DNAH7: variants seen among roughly 807,000 people sequenced by gnomAD.
The protein encoded by DNAH7 is dynein axonemal heavy chain 7.
DNAH7 carries 397 observed loss-of-function variants against 444.6 expected under a neutral mutation model. That is an observed-to-expected ratio of 0.89 (90% CI 0.82 to 0.97). DNAH7 has a LOEUF of 0.97. DNAH7 is among the 50% of genes least tolerant of loss of function. The probability of loss-of-function intolerance (pLI) is 0.00; values close to 1 mark genes in which losing one functional copy is unlikely to be tolerated. For synonymous variants in DNAH7, 1,636 were observed against 1,624.4 expected, an observed-to-expected ratio of 1.01 and a Z score of -0.17; for missense variants, 4,902 against 4,800.8, an observed-to-expected ratio of 1.02 and a Z score of -0.62.
intron 21 of DNAH7, among the ~76,000 whole-genome samples, chr2:195,927,719 C>A (rs1688432044): frequency 6.6e-6 from 1 of 151,100 alleles, no homozygotes; most frequent in Admixed American, 6.6e-5. Context: ...TATGTAAAGT[C>A]TATTATTATA....
chr2:195,738,239 G>T, intron 64 of DNAH7, 112 bp from the exon 65 acceptor site: 2 of 899,010 alleles, frequency 2.2e-6, no homozygotes, highest in Non-Finnish European at 3.4e-6. Flanking sequence ...GATTTCTGTG[G>T]CCCAAATTTA....
intron 46 of DNAH7, among the ~76,000 whole-genome samples, chr2:195,852,076 G>C (rs1449664857): frequency 6.6e-6 from 1 of 152,080 alleles, no homozygotes; most frequent in Non-Finnish European, 1.5e-5. Flanking sequence ...GGCTAACATG[G>C]TGAAACCCCG....
chr2:195,776,067 T>C, intron 59 of DNAH7, 84 bp from the exon 60 acceptor site: 1 of 1,521,696 alleles, frequency 6.6e-7, no homozygotes, highest in African/African-American at 1.4e-5. Flanking sequence ...CAGTTTTCAA[T>C]ACTCAAGTTA....
chr2:195,787,342 A>C (rs1011842387), intron 57 of DNAH7, among the ~76,000 whole-genome samples, 171 bp from the exon 58 acceptor site: 1 of 152,218 alleles, frequency 6.6e-6, no homozygotes, highest in Non-Finnish European at 1.5e-5. Flanking sequence ...CTTTTCAAGC[A>C]AAGTATGTCC....
At chr2:195,853,819 G>C (rs1699538681) in intron 45 of DNAH7, among the ~76,000 whole-genome samples, 1 of 152,028 alleles carries the variant, frequency 6.6e-6, no homozygotes, top group African/African-American at 2.4e-5. Flanking sequence ...AATTAATAAA[G>C]GACATTCTTC....
intron 12 of DNAH7, among the ~76,000 whole-genome samples, chr2:195,993,862 T>C (rs1178251362): frequency 6.6e-6 from 1 of 152,192 alleles, no homozygotes; most frequent in African/African-American, 2.4e-5. Context: ...AAGATCATTG[T>C]TTACCAGTGG....
Position 195,960,361 on chromosome 2 carries a change from C to T in DNAH7, c.2790G>A (p.Leu930=). The T allele has an allele frequency of 6.2e-7, 1 of 1,613,974 alleles. No individual in the cohort carries two copies. Among genetic ancestry groups the T allele is most frequent in the Non-Finnish European group, 8.5e-7 (1 of 1,180,004 alleles). ...ACATCTGAATTTCATCAACTGATGC[C>T]AAAATAAATGTCCCAGTTTCTCTAT... ...HSYRETGTFI[L]ASVDEIQMLL... The change falls in exon 18 of 65, where the codon TTG becomes TTA. Residue 930 remains leucine, a synonymous_variant. Coordinates refer to ENST00000312428, the MANE Select transcript of DNAH7 (RefSeq NM_018897.3).
chr2:196,037,698 T>C (rs1324995783), intron 5 of DNAH7, among the ~76,000 whole-genome samples: 1 of 151,694 alleles, frequency 6.6e-6, no homozygotes, highest in Non-Finnish European at 1.5e-5. Context: ...AGTGAGACAA[T>C]AAAAATGAAT....
rs537634012 is a variant in DNAH7, at chr2:195,810,658, C to T, written c.9762-787G>A. On this transcript the variant is annotated intron_variant, in intron 51 of 64. Coordinates refer to ENST00000312428, the MANE Select transcript of DNAH7 (RefSeq NM_018897.3). ...TTTTTTTCCCACTTTTCCTTACGTGCCTATTTTCTTAACTATTTTATCCCC... is the reference window on the plus strand; with the variant it reads ...TTTTTTTCCCACTTTTCCTTACGTGTCTATTTTCTTAACTATTTTATCCCC... Among the ~76,000 whole-genome samples, 5 of 151,078 alleles carry T rather than the reference C, an allele frequency of 3.3e-5. No individual in the cohort carries two copies. In the South Asian group the frequency reaches 6.3e-4, roughly 19 times the overall value.
chr2:195,868,016 A>G (rs1236432045), intron 40 of DNAH7, among the ~76,000 whole-genome samples: 1 of 149,814 alleles, frequency 6.7e-6, no homozygotes, highest in East Asian at 2.0e-4. Flanking sequence ...TGTTTTCTAT[A>G]TTACATTACT....
chr2:195,834,322 C>T lies in DNAH7; in HGVS notation c.8984G>A (p.Ser2995Asn), dbSNP rs1213988424. 6.2e-7 allele frequency: 1 copy of T among 1,604,092 alleles called. No individual in the cohort carries two copies. Among genetic ancestry groups the T allele is most frequent in the South Asian group, 1.1e-5 (1 of 90,160 alleles). ...GTTCTTGATCCATTTATTAGCCTGA[C>T]TTTGAGGATCTATCATCAGAGGCCA... The part of the protein sequence containing the change: ...RRWPLMIDPQ[S>N]QANKWIKNME... The change falls in exon 48 of 65, where the codon AGT (serine) becomes AAT (asparagine). Residue 2995 changes from serine to asparagine, a missense_variant. Transcript: ENST00000312428.
At chr2:195,762,006 TAAA>T (rs1694371345) in intron 61 of DNAH7, among the ~76,000 whole-genome samples, 1 of 151,840 alleles carries the variant, frequency 6.6e-6, no homozygotes, top group Admixed American at 6.6e-5. Context: ...GATGAACAAA[TAAA>T]AAATAATAAC....
At chr2:196,002,725 C>T (rs892511624) in intron 10 of DNAH7, among the ~76,000 whole-genome samples, 7 of 152,092 alleles carry the variant, frequency 4.6e-5, no homozygotes, top group Admixed American at 2.6e-4. Flanking sequence ...AATATGGTAT[C>T]GGCTGGGTGC....
intron 27 of DNAH7, chr2:195,901,307 A>T (rs1324245326): frequency 1.3e-5 from 2 of 152,194 alleles, no homozygotes; most frequent in East Asian, 3.8e-4. Flanking sequence ...TCAATAAAAA[A>T]ATCATTGACC....
Position 195,845,033 on chromosome 2 carries a change from A to G in DNAH7, c.8914T>C (p.Ser2972Pro). The change falls in exon 47 of 65, where the codon TCA becomes CCA. Residue 2972 changes from serine (S) to proline (P), a missense_variant. Physicochemically the swap from Ser to Pro is moderately conservative, Grantham distance 74. Transcript: ENST00000312428. ...TWNIAGLPSD[S>P]FSIDNGIIIM... ...ATTATCCCATTATCAATGGAAAATG[A>G]GTCAGAAGGTAATCCAGCAATATTC... The G allele has an allele frequency of 6.2e-7, 1 of 1,613,698 alleles. No homozygotes were observed. The highest frequency in any genetic ancestry group is 8.5e-7 in the Non-Finnish European group (1 of 1,179,828).
chr2:195,987,926 A>T (rs1379516777), intron 13 of DNAH7, 31 bp downstream of exon 13: 1 of 1,554,324 alleles, frequency 6.4e-7, no homozygotes, highest in Non-Finnish European at 8.7e-7. Flanking sequence ...CCAGATAGAG[A>T]TAACAGTTGC....
chr2:195,949,283 A>G (rs1690050080), intron 19 of DNAH7, among the ~76,000 whole-genome samples: 1 of 151,800 alleles, frequency 6.6e-6, no homozygotes, highest in Admixed American at 6.6e-5. Context: ...CCACTTATTT[A>G]TTTATTTATT....
In DNAH7 at chr2:196,044,120, A is replaced by G. The variant is rs1252335984; in HGVS notation, c.398+3232T>C. Among the ~76,000 whole-genome samples the G allele has an allele frequency of 2.0e-5, 3 of 151,980 alleles. No individual in the cohort carries two copies. The South Asian group carries it at 6.2e-4, about 31-fold the overall frequency. On this transcript the variant is annotated intron_variant, in intron 5 of 64. Coordinates refer to ENST00000312428, the MANE Select transcript of DNAH7 (RefSeq NM_018897.3). The stretch of plus-strand genomic sequence containing the variant: ...ACTTGCACACACGTTTATAGCAGCA[A>G]AATTCACAATTGTAAAAATATGGAA...
In DNAH7 at chr2:196,023,282, C is replaced by G. The variant is rs911871149; in HGVS notation, c.743+1147G>C. Among the ~76,000 whole-genome samples the G allele has an allele frequency of 2.4e-4, 36 of 151,954 alleles. 1 individual carries two copies. Among genetic ancestry groups the G allele is most frequent in the Non-Finnish European group, 7.4e-5 (5 of 67,978 alleles). On this transcript the variant is annotated intron_variant, in intron 8 of 64. Transcript: ENST00000312428. Reference sequence around the variant, plus strand: ...CCTTCTGCCATGATTGTAAGCTTCCCAAGGCCTCCCCAGATGTCAAGCAGG... The same window carrying G: ...CCTTCTGCCATGATTGTAAGCTTCCGAAGGCCTCCCCAGATGTCAAGCAGG...
Sources: allele counts gnomAD v4.1 joint callset (sites outside exome capture counted in the v4.1 genomes callset), GRCh38; gene constraint gnomAD v4.1.1; transcripts MANE v1.5; gene names NCBI Gene and HGNC (gene_info 2026-07-23, HGNC 2026-07-21).